FARP1: variants seen among roughly 807,000 people sequenced by gnomAD.
FARP1 encodes the protein FERM, ARH/RhoGEF and pleckstrin domain protein 1, also known as FERM, ARHGEF and pleckstrin domain-containing protein 1.
A neutral mutation model predicts 128.8 loss-of-function variants in FARP1; 52 were observed. The observed-to-expected ratio is 0.40, with a 90% confidence interval of 0.32 to 0.51. The LOEUF (loss-of-function observed/expected upper bound fraction) is 0.51, where lower values mean the gene tolerates loss of function less well. Ranked by LOEUF, FARP1 falls within the 20% of genes least tolerant of loss-of-function variation. FARP1 has a pLI of 0.45. For synonymous variants in FARP1, 580 were observed against 551.8 expected, an observed-to-expected ratio of 1.05 and a Z score of -0.72; for missense variants, 1,333 against 1,367.9, an observed-to-expected ratio of 0.97 and a Z score of 0.40.
intron 1 of FARP1, among the ~76,000 whole-genome samples, chr13:98,201,188 C>G (rs774470502): frequency 6.6e-6 from 1 of 152,208 alleles, no homozygotes; most frequent in East Asian, 1.9e-4. Flanking sequence ...CATGCCTGTA[C>G]TCCCAGCACT....
intron 1 of FARP1, among the ~76,000 whole-genome samples, chr13:98,206,951 G>C (rs1346522873): frequency 1.3e-5 from 2 of 152,138 alleles, no homozygotes; most frequent in African/African-American, 4.8e-5. Context: ...TAGAGCATAG[G>C]TTAATATTTA....
chr13:98,251,451 G>C (rs892565270), intron 2 of FARP1, among the ~76,000 whole-genome samples: 19 of 152,222 alleles, frequency 1.2e-4, no homozygotes, highest in Non-Finnish European at 4.4e-5. Flanking sequence ...GGGAGGCTGA[G>C]GCGGGTGGAT....
intron 1 of FARP1, among the ~76,000 whole-genome samples, chr13:98,153,477 T>TA (rs1466032470): frequency 2.3e-3 from 84 of 36,806 alleles, no homozygotes; most frequent in East Asian, 7.1e-3. Flanking sequence ...TAAATATGTA[T>TA]AATATATAAT....
intron 2 of FARP1, among the ~76,000 whole-genome samples, chr13:98,336,179 C>T (rs559463330): frequency 2.6e-5 from 4 of 152,316 alleles, no homozygotes; most frequent in Admixed American, 6.5e-5. Context: ...ACAAAACATA[C>T]TCCTGCTTAA....
At chr13:98,379,221 AATCTATCT>A (rs1304036197) in intron 6 of FARP1, among the ~76,000 whole-genome samples, 2 of 123,310 alleles carry the variant, frequency 1.6e-5, no homozygotes, top group Non-Finnish European at 3.2e-5. Context: ...TATAATATAT[AATCTATCT>A]ATATATAATC....
intron 12 of FARP1, 55 bp downstream of exon 12, chr13:98,393,773 G>A (rs77317896): frequency 0.025 from 34,055 of 1,352,702 alleles, 961 homozygotes; most frequent in African/African-American, 0.13. Context: ...CTTCCTCCAC[G>A]GAGCCCTGGG....
At chr13:98,379,710 C>T (rs1889819139) in intron 6 of FARP1, among the ~76,000 whole-genome samples, 1 of 152,124 alleles carries the variant, frequency 6.6e-6, no homozygotes, top group South Asian at 2.1e-4. Flanking sequence ...TGTAAATCAT[C>T]TCTAGGTTAC....
chr13:98,426,099 C>T (rs1891776258), intron 17 of FARP1, among the ~76,000 whole-genome samples: 1 of 152,208 alleles, frequency 6.6e-6, no homozygotes. Flanking sequence ...ACCTACTATA[C>T]ACAAGACACT....
intron 4 of FARP1, among the ~76,000 whole-genome samples, chr13:98,366,431 C>G (rs982419619): frequency 6.6e-6 from 1 of 152,232 alleles, no homozygotes; most frequent in African/African-American, 2.4e-5. Context: ...CAGGCAACGA[C>G]TAGTGTTGGG....
At chr13:98,422,579 G>A (rs1056257648) in intron 16 of FARP1, among the ~76,000 whole-genome samples, 6 of 152,156 alleles carry the variant, frequency 3.9e-5, no homozygotes, top group African/African-American at 1.4e-4. Flanking sequence ...AGTCTTTCCT[G>A]TGATGTAATT....
intron 2 of FARP1, among the ~76,000 whole-genome samples, chr13:98,298,193 TTTCCTTTTTAG>T (rs1197033244): frequency 1.3e-5 from 2 of 152,240 alleles, no homozygotes; most frequent in Non-Finnish European, 2.9e-5. Context: ...ATGTGTATAC[TTTCCTTTTTAG>T]TTCCTTTAAC....
chr13:98,293,291 A>C (rs1885527862), intron 2 of FARP1, among the ~76,000 whole-genome samples: 1 of 152,170 alleles, frequency 6.6e-6, no homozygotes, highest in Non-Finnish European at 1.5e-5. Flanking sequence ...GGTCTGTGAG[A>C]ACAGGGCTGG....
Position 98,440,042 on chromosome 13 carries a change from A to G in FARP1, c.2515A>G (p.Ser839Gly). Residue 839 changes from serine (S) to glycine (G), a missense_variant and splice_region_variant, in exon 22 of 27, where the codon AGT becomes GGT. Ser to Gly is a moderately conservative substitution (Grantham distance 56, BLOSUM62 0). Around this residue, in one of 2 missense-constraint regions of FARP1, gnomAD observed 1,009 missense variants for 969.8 expected, o/e 1.04. Coordinates refer to ENST00000319562, the MANE Select transcript of FARP1 (RefSeq NM_005766.4). ...GQRQSIIVAA[S>G]SRSEMEKWVE... ...GCGGCAGTCCATCATCGTGGCCGCC[A>G]GGTAACTCGGGAGCCCGCCCCTTGC... The G allele has an allele frequency of 6.2e-7, 1 of 1,607,568 alleles. No individual in the cohort carries two copies.
chr13:98,411,921 C>T lies in FARP1; in HGVS notation c.1713C>T (p.Ser571=). The T allele has an allele frequency of 6.2e-7, 1 of 1,614,136 alleles. No individual in the cohort carries two copies. The highest frequency in any genetic ancestry group is 8.5e-7 in the Non-Finnish European group (1 of 1,179,972). ...VITSWFQSTV[S]KEDAMPEALK... is the part of the protein sequence containing the mutation. ...TCCAGTGGTTTCAGAGCACAGTGAG[C>T]AAAGAGGACGCCATGCCGGAAGCAC... Residue 571 remains serine (S), a synonymous_variant, in exon 16 of 27, where the codon AGC becomes AGT. Coordinates refer to ENST00000319562, the MANE Select transcript of FARP1 (RefSeq NM_005766.4).
intron 2 of FARP1, among the ~76,000 whole-genome samples, chr13:98,259,232 A>G (rs540149196): frequency 4.6e-5 from 7 of 151,864 alleles, no homozygotes; most frequent in Non-Finnish European, 8.8e-5. Flanking sequence ...ATAGATATGT[A>G]TATTTTTATA....
At chr13:98,369,353 C>CT (rs35605642) in intron 5 of FARP1, among the ~76,000 whole-genome samples, 22,120 of 138,980 alleles carry the variant, frequency 0.16, 2,061 homozygotes, top group Middle Eastern at 0.25. Flanking sequence ...CAGCCTAATT[C>CT]TTTTTTTTTT....
chr13:98,169,027 T>C (rs182378516), intron 1 of FARP1, among the ~76,000 whole-genome samples: 3 of 151,998 alleles, frequency 2.0e-5, no homozygotes, highest in Non-Finnish European at 4.4e-5. Context: ...CAAAAACTGT[T>C]TTTTTTTGTT....
intron 1 of FARP1, among the ~76,000 whole-genome samples, chr13:98,169,278 T>A (rs898987576): frequency 4.6e-5 from 7 of 152,220 alleles, no homozygotes; most frequent in African/African-American, 1.7e-4. Context: ...ATTCAGGGGC[T>A]TTCCTTTACC....
intron 13 of FARP1, chr13:98,396,291 C>T (rs903804661): frequency 7.5e-6 from 3 of 399,114 alleles, no homozygotes; most frequent in Admixed American, 4.4e-5. Context: ...TGCAAGTGAC[C>T]GAGGGCTCCA....
Sources: allele counts gnomAD v4.1 joint callset (sites outside exome capture counted in the v4.1 genomes callset), GRCh38; gene constraint gnomAD v4.1.1; regional missense constraint gnomAD v4.1.1; transcripts MANE v1.5; gene names NCBI Gene and HGNC (gene_info 2026-07-23, HGNC 2026-07-21).